Variants in SH3D21 observed in about 807,000 individuals in gnomAD.
The protein encoded by SH3D21 is manchette microtubule inner protein 1.
In SH3D21, 83 loss-of-function variants were observed where a neutral mutation model predicts 82.1. The observed-to-expected ratio is 1.01, with a 90% CI of 0.85 to 1.21. SH3D21 has a LOEUF of 1.21. Among genes scored for constraint, SH3D21 ranks in the 50% most tolerant of loss-of-function variants. The pLI, the probability that SH3D21 is intolerant of heterozygous loss-of-function variation, is 0.00. For missense variants in SH3D21, 980 were observed against 962.1 expected, an observed-to-expected ratio of 1.02 and a Z score of -0.25; for synonymous variants, 383 against 387.8, an observed-to-expected ratio of 0.99 and a Z score of 0.15.
chr1:36,318,381 AGATGAAAATTTGGGAGTCATTGACTTATT>A lies in SH3D21; in HGVS notation c.770-679_770-651del, dbSNP rs1413171457. ...CTGGAGTCAGAGAGGAAGGAGCTAG[AGATGAAAATTTGGGAGTCATTGACTTATT>A]GATGAAAATTAAACCCATAAGACTG... On this transcript the variant is annotated intron_variant, in intron 10 of 15. Transcript: ENST00000453908. 3.3e-5 allele frequency among the ~76,000 whole-genome samples: 5 copies of A among 152,314 alleles called. No homozygotes were observed. In the East Asian group the frequency reaches 9.6e-4, roughly 29 times the overall value.
Position 36,307,710 on chromosome 1 carries a change from C to G in SH3D21, c.437-60C>G. ...ATCCTGACCCTGTGACCCCTCTGAC[C>G]CTCTCCCATGACCTAACCTGTGAAT... is the stretch of plus-strand genomic sequence containing the variant. On this transcript the variant is annotated intron_variant, in intron 5 of 15. Coordinates refer to ENST00000453908, the MANE Select transcript of SH3D21 (RefSeq NM_001162530.2). This position sits in a 1 kb window ranked among gnomAD's most constrained non-coding sequence, Gnocchi z 5.4. The G allele has an allele frequency of 6.5e-7, 1 of 1,542,030 alleles. No homozygotes were observed.
downstream of SH3D21, among the ~76,000 whole-genome samples, chr1:36,325,365 G>A (rs1272663769): frequency 1.3e-5 from 2 of 152,120 alleles, no homozygotes; most frequent in Non-Finnish European, 2.9e-5. Context: ...CATTATATTA[G>A]ATATTATAAG....
downstream of SH3D21, chr1:36,322,145 C>G: frequency 7.4e-7 from 1 of 1,353,688 alleles, no homozygotes; most frequent in African/African-American, 1.5e-5. Context: ...TCTGGCAGGA[C>G]TGGGGAAGGG....
downstream of SH3D21, among the ~76,000 whole-genome samples, chr1:36,325,567 C>T (rs144748967): frequency 9.3e-3 from 1,420 of 151,986 alleles, 25 homozygotes; most frequent in African/African-American, 0.032. Flanking sequence ...GTTTTTGAGA[C>T]GGAGTCTCGC....
In SH3D21 at chr1:36,313,972, CTTTTT is replaced by C. The variant is rs767624105; in HGVS notation, c.769+4398_769+4402del. On this transcript the variant is annotated intron_variant, in intron 10 of 15. Transcript: ENST00000453908. Reference sequence around the variant, plus strand: ...TGGCTAATGATGCTGAACATATTTTCTTTTTTTTTTTTTTTTTTTTGAGACGGAGT... The same window carrying C: ...TGGCTAATGATGCTGAACATATTTTCTTTTTTTTTTTTTTTGAGACGGAGT... Among the ~76,000 whole-genome samples, 6 of 36,784 alleles carry C rather than the reference CTTTTT, an allele frequency of 1.6e-4. 1 individual carries two copies. Among genetic ancestry groups the C allele is most frequent in the East Asian group, 2.6e-3 (2 of 774 alleles). The allele number at this position is 36,784 out of a possible 152,430, so 24.1% of individuals were successfully genotyped here. A position where few individuals can be genotyped will look rare whatever the true frequency, so the allele number is the denominator to read the frequency against.
In SH3D21 at chr1:36,320,769, G is replaced by A; in HGVS notation, c.2106G>A (p.Arg702=). The change falls in exon 14 of 16, where the codon AGG becomes AGA. Residue 702 remains arginine (R), a synonymous_variant. Transcript: ENST00000453908. ...GGGGCGAGGTGGAGTCTCTAAGGAG[G>A]GCGCTGGAGCTGATGGAGGTGCAGC... The part of the protein sequence containing the change: ...SLRGEVESLR[R]ALELMEVQLE... 6.3e-7 allele frequency: 1 copy of A among 1,584,826 alleles called. No individual in the cohort carries two copies. The highest frequency in any genetic ancestry group is 8.6e-7 in the Non-Finnish European group (1 of 1,165,290).
chr1:36,309,079 G>T (rs1268037384), intron 9 of SH3D21, among the ~76,000 whole-genome samples: 1 of 152,052 alleles, frequency 6.6e-6, no homozygotes, highest in African/African-American at 2.4e-5. Flanking sequence ...TAATAATTTT[G>T]TGCATGAAAC....
At chr1:36,322,275 G>A, downstream of SH3D21, 1 of 1,480,644 alleles carries the variant, frequency 6.8e-7, no homozygotes, top group Non-Finnish European at 8.9e-7. Flanking sequence ...CGAGCGCCTT[G>A]CAGCGGGAGC....
downstream of SH3D21, chr1:36,324,017 C>T (rs1037872202): frequency 6.6e-6 from 1 of 152,352 alleles, no homozygotes; most frequent in African/African-American, 2.4e-5. Context: ...GCTCTCTGAT[C>T]CTAAAGCCTG....
Position 36,307,335 on chromosome 1 carries a change from C to T in SH3D21, c.345+50C>T. 6.5e-7 allele frequency: 1 copy of T among 1,546,532 alleles called. No individual in the cohort carries two copies. The highest frequency in any genetic ancestry group is 1.2e-5 in the South Asian group (1 of 83,774). ...TTTGGGGGAGGATGATGGAACGCGC[C>T]TCCCTAGTGAGCGGGGTGGGAAGTG... is the stretch of plus-strand genomic sequence containing the variant. On this transcript the variant is annotated intron_variant, in intron 4 of 15. Coordinates refer to ENST00000453908, the MANE Select transcript of SH3D21 (RefSeq NM_001162530.2). This position sits in a 1 kb window ranked among gnomAD's most constrained non-coding sequence, Gnocchi z 5.4.
intron 9 of SH3D21, 122 bp downstream of exon 9, chr1:36,308,597 G>A (rs1020915602): frequency 1.4e-6 from 1 of 712,914 alleles, no homozygotes; most frequent in African/African-American, 1.8e-5. Flanking sequence ...CTAGACATGT[G>A]GGGGCTCCTT....
At chr1:36,310,750 T>C (rs2124677563) in intron 10 of SH3D21, among the ~76,000 whole-genome samples, 1 of 152,300 alleles carries the variant, frequency 6.6e-6, no homozygotes, top group African/African-American at 2.4e-5. Context: ...GTAACCACTG[T>C]CTTCAATTTT....
In SH3D21 at chr1:36,306,488, A is replaced by C; in HGVS notation, c.4+64A>C. 7.7e-7 allele frequency: 1 copy of C among 1,303,124 alleles called. No homozygotes were observed. 80.7% of individuals were successfully genotyped at this position (1,303,124 alleles called of 1,614,324 possible). A position where few individuals can be genotyped will look rare whatever the true frequency, so the allele number is the denominator to read the frequency against. ...CGTGGACATAGCAAGAGCCCACACC[A>C]CCCCCCGACCCCCGCTGCCCTCTAC... On this transcript the variant is annotated intron_variant, in intron 1 of 15. Coordinates refer to ENST00000453908, the MANE Select transcript of SH3D21 (RefSeq NM_001162530.2). The surrounding 1 kb of genome is among the most constrained non-coding windows in gnomAD (Gnocchi z 4.5).
chr1:36,325,839 C>G (rs1420282257), downstream of SH3D21, among the ~76,000 whole-genome samples: 5 of 152,208 alleles, frequency 3.3e-5, no homozygotes, highest in Non-Finnish European at 5.9e-5. Flanking sequence ...CCACCGCGCC[C>G]AGCCCTGAGG....
Position 36,320,405 on chromosome 1 carries a change from C to T in SH3D21, c.1742C>T (p.Pro581Leu). 1.2e-6 allele frequency: 2 copies of T among 1,613,648 alleles called. No homozygotes were observed. Among genetic ancestry groups the T allele is most frequent in the Non-Finnish European group, 1.7e-6 (2 of 1,179,918 alleles). Residue 581 changes from proline to leucine, a missense_variant, in exon 14 of 16, where the codon CCC (proline) becomes CTC (leucine). Transcript: ENST00000453908. The stretch of plus-strand genomic sequence containing the variant: ...AGGCCTGCCCTTGAGAAGCCCCACC[C>T]CCACGAAGAGGCTACAACCCTTCCA... ...ASRPALEKPH[P>L]HEEATTLPEE...
In SH3D21 at chr1:36,316,361, A is replaced by G. The variant is rs1646342956; in HGVS notation, c.770-2710A>G. 2.6e-5 allele frequency among the ~76,000 whole-genome samples: 4 copies of G among 152,074 alleles called. No homozygotes were observed. In the South Asian group the frequency reaches 8.3e-4, roughly 32 times the overall value. ...GCAATTCTCGTGCTTCAGCCTCCCC[A>G]GTAGCTGGGATTACAGGCACGCGCC... On this transcript the variant is annotated intron_variant, in intron 10 of 15. Transcript: ENST00000453908.
chr1:36,327,460 A>G (rs553890279), downstream of SH3D21, among the ~76,000 whole-genome samples: 1 of 152,342 alleles, frequency 6.6e-6, no homozygotes, highest in Admixed American at 6.5e-5. Context: ...GAGAGTCCAC[A>G]TGTGTGCTCC....
Position 36,307,080 on chromosome 1 carries a change from C to A in SH3D21, c.227-87C>A. On this transcript the variant is annotated intron_variant, in intron 3 of 15. Coordinates refer to ENST00000453908, the MANE Select transcript of SH3D21 (RefSeq NM_001162530.2). The surrounding 1 kb of genome is among the most constrained non-coding windows in gnomAD (Gnocchi z 5.4). ...CGCCCTGGGGCGGGGCTGGAGGGAC[C>A]AAAGGCTACGTGCGCGCCTTGCGCT... The A allele has an allele frequency of 6.5e-7, 1 of 1,530,290 alleles. No homozygotes were observed. The highest frequency in any genetic ancestry group is 2.0e-5 in the Admixed American group (1 of 49,638). 94.8% of individuals were successfully genotyped at this position (1,530,290 alleles called of 1,614,324 possible).
In SH3D21 at chr1:36,306,864, G is replaced by T. The variant is rs1007685079; in HGVS notation, c.185G>T (p.Gly62Val). Residue 62 changes from glycine to valine, a missense_variant, in exon 3 of 16, where the codon GGC (glycine) becomes GTC (valine). By Grantham distance (109) the Gly-to-Val change is moderately radical. Transcript: ENST00000453908. The surrounding 1 kb of genome is among the most constrained non-coding windows in gnomAD (Gnocchi z 4.5). ...CAGGAGATCCCAGAGACCCTGCGGG[G>T]CTCCGGAGAGGCGCGGAGGCCGCGC... Reference protein sequence around the residue: ...LVQEIPETLRGSGEARRPRCA... With the variant: ...LVQEIPETLRVSGEARRPRCA... 4 of 1,298,216 alleles carry T rather than the reference G, an allele frequency of 3.1e-6. No homozygotes were observed. In the South Asian group the frequency reaches 5.0e-5, roughly 16 times the overall value. 80.4% of individuals were successfully genotyped at this position (1,298,216 alleles called of 1,614,324 possible).
Sources: allele counts gnomAD v4.1 joint callset (sites outside exome capture counted in the v4.1 genomes callset), GRCh38; gene constraint gnomAD v4.1.1; non-coding constraint Gnocchi (gnomAD v3.1); transcripts MANE v1.5; gene names NCBI Gene and HGNC (gene_info 2026-07-23, HGNC 2026-07-21).